The following RECQL4 variants were observed in gnomAD, a reference collection of about 807,000 sequenced individuals.
The protein encoded by RECQL4 is RecQ like helicase 4.
A neutral mutation model predicts 128.6 loss-of-function variants in RECQL4; 158 were observed. The ratio of observed to expected loss-of-function variants is 1.23; its 90% CI spans 1.08 to 1.40. The LOEUF is 1.40. Ranked by LOEUF, RECQL4 falls within the 40% of genes most tolerant of loss-of-function variation. RECQL4 has a pLI of 0.00. For synonymous variants in RECQL4, 996 were observed against 678.9 expected, an observed-to-expected ratio of 1.47 and a Z score of -7.26; for missense variants, 2,293 against 1,649.8, an observed-to-expected ratio of 1.39 and a Z score of -6.75.
rs769817743 is a variant in RECQL4 at position 144,512,834 on chromosome 8, C to G, written c.2755+13G>C. The G allele has an allele frequency of 3.7e-6, 6 of 1,607,150 alleles. No homozygotes were observed. The highest frequency in any genetic ancestry group is 5.1e-6 in the Non-Finnish European group (6 of 1,177,382). On this transcript the variant is annotated intron_variant, in intron 15 of 20. Transcript: ENST00000617875. ...CCCCTCCACACCCCTGTGGCTTACC[C>G]CAGGTTCCTCACCCTCCTCCGGCAT...
chr8:144,514,482 G>A lies in RECQL4; in HGVS notation c.1664C>T (p.Ser555Leu), dbSNP rs755425093. 19 of 1,612,206 alleles carry A rather than the reference G, an allele frequency of 1.2e-5. No individual in the cohort carries two copies. The highest frequency in any genetic ancestry group is 3.3e-5 in the Admixed American group (2 of 59,938). The change falls in exon 10 of 21, where the codon TCG becomes TTG. Residue 555 changes from serine (S) to leucine (L), a missense_variant. Physicochemically the swap from Ser to Leu is moderately radical, Grantham distance 145 (BLOSUM62 -2). Coordinates refer to ENST00000617875, the MANE Select transcript of RECQL4 (RefSeq NM_004260.4). The part of the protein sequence containing the change: ...PPCLKAACIH[S>L]GMTRKQRESV... The stretch of plus-strand genomic sequence containing the variant: ...TTCCCGTTGCTTCCTGGTCATGCCC[G>A]AGTGTATGCAGGCCGCCTTGAGACA...
In RECQL4 at chr8:144,516,580, C is replaced by G. The variant is rs1060501378; in HGVS notation, c.539G>C (p.Ser180Thr). ...GRLQHLQASL[S>T]QRLGSLDPGW... The stretch of plus-strand genomic sequence containing the variant: ...AGGATCTAGGGAGCCCAGCCGCTGG[C>G]TCAGGGATGCCTGCAGATGCTGGAG... Residue 180 changes from serine (S) to threonine (T), a missense_variant, in exon 5 of 21, where the codon AGC (serine) becomes ACC (threonine). Transcript: ENST00000617875. 2 of 1,610,108 alleles carry G rather than the reference C, an allele frequency of 1.2e-6. No homozygotes were observed. The highest frequency in any genetic ancestry group is 1.3e-5 in the African/African-American group (1 of 75,036).
chr8:144,514,402 C>T (rs779065686), intron 10 of RECQL4, 40 bp from the exon 11 acceptor site: 6 of 1,601,538 alleles, frequency 3.7e-6, no homozygotes, highest in Non-Finnish European at 5.1e-6. Context: ...CAGGTGCCCG[C>T]CCGCTGCCTC....
At chr8:144,514,602 C>T in intron 9 of RECQL4, 77 bp from the exon 10 acceptor site, 1 of 1,424,420 alleles carries the variant, frequency 7.0e-7, no homozygotes, top group Non-Finnish European at 9.6e-7. Flanking sequence ...GAGCTGCTGC[C>T]ATGTCCATCC....
chr8:144,513,784 G>A lies in RECQL4; in HGVS notation c.2059-72C>T, dbSNP rs1375520436. The A allele has an allele frequency of 4.2e-5, 49 of 1,168,718 alleles. No individual in the cohort carries two copies. In the African/African-American group the frequency reaches 8.7e-4, roughly 21 times the overall value. 72.4% of individuals were successfully genotyped at this position (1,168,718 alleles called of 1,614,324 possible). A position where few individuals can be genotyped will look rare whatever the true frequency, so the allele number is the denominator to read the frequency against. Reference sequence around the variant, plus strand: ...GGCGTGTGCAGTGGGGAGTGAGGAGGGGTCGGCGTGGGGAGTGAGGAGGGG... The same window carrying A: ...GGCGTGTGCAGTGGGGAGTGAGGAGAGGTCGGCGTGGGGAGTGAGGAGGGG... On this transcript the variant is annotated intron_variant, in intron 12 of 20. Coordinates refer to ENST00000617875, the MANE Select transcript of RECQL4 (RefSeq NM_004260.4).
Position 144,512,840 on chromosome 8 carries a change from T to G in RECQL4, c.2755+7A>C. The G allele has an allele frequency of 6.2e-7, 1 of 1,606,148 alleles. No homozygotes were observed. Among genetic ancestry groups the G allele is most frequent in the Non-Finnish European group, 8.5e-7 (1 of 1,176,778 alleles). Reference sequence around the variant, plus strand: ...CACACCCCTGTGGCTTACCCCAGGTTCCTCACCCTCCTCCGGCATGTCCAA... The same window carrying G: ...CACACCCCTGTGGCTTACCCCAGGTGCCTCACCCTCCTCCGGCATGTCCAA... On this transcript the variant is annotated splice_region_variant and intron_variant, in intron 15 of 20. Transcript: ENST00000617875.
Position 144,514,325 on chromosome 8 carries a change from G to C in RECQL4, c.1742C>G (p.Pro581Arg), listed in dbSNP as rs1198368445. Residue 581 changes from proline to arginine, a missense_variant, in exon 11 of 21, where the codon CCT becomes CGT. Transcript: ENST00000617875. ...AAQVHVLMLT[P>R]EALVGAGGLP... ...GCCTCCCGCCCCCACCAGTGCCTCA[G>C]GTGTCAGCATCAGCACGTGTACCTG... is the stretch of plus-strand genomic sequence containing the variant. 6.2e-7 allele frequency: 1 copy of C among 1,608,432 alleles called. No individual in the cohort carries two copies. Among genetic ancestry groups the C allele is most frequent in the African/African-American group, 1.3e-5 (1 of 74,856 alleles).
In RECQL4 at chr8:144,513,312, C is replaced by A. The variant is rs1827611200; in HGVS notation, c.2369G>T (p.Gly790Val). Residue 790 changes from glycine (G) to valine (V), a missense_variant, in exon 14 of 21, where the codon GGG becomes GTG. Physicochemically the swap from Gly to Val is moderately radical, Grantham distance 109 (BLOSUM62 -3). Coordinates refer to ENST00000617875, the MANE Select transcript of RECQL4 (RefSeq NM_004260.4). ...GTAGCTCTCGAAGCTTGGGGGCAGCCCCAGATGCAGCACAGCCCGCACATC... is the reference window on the plus strand; with the variant it reads ...GTAGCTCTCGAAGCTTGGGGGCAGCACCAGATGCAGCACAGCCCGCACATC... ...RPDVRAVLHL[G>V]LPPSFESYVQ... The A allele has an allele frequency of 3.1e-6, 5 of 1,601,642 alleles. No homozygotes were observed. The highest frequency in any genetic ancestry group is 1.1e-5 in the South Asian group (1 of 91,002).
In RECQL4 at chr8:144,515,822, C is replaced by T; in HGVS notation, c.1200G>A (p.Lys400=). 6.2e-7 allele frequency: 1 copy of T among 1,612,912 alleles called. No homozygotes were observed. Among genetic ancestry groups the T allele is most frequent in the Non-Finnish European group, 8.5e-7 (1 of 1,179,798 alleles). ...ACTGCTCGTTCAGGAAACAAGACTC[C>T]TTGGTTGTGACTGTGGCACCACCAC... ...FGGGGATVTT[K]ESCFLNEQFD... The change falls in exon 6 of 21, where the codon AAG becomes AAA. Residue 400 remains lysine (K), a synonymous_variant. Transcript: ENST00000617875.
rs749437272 is a variant in RECQL4, at chr8:144,513,347, C to T, written c.2334G>A (p.Leu778=). 1 of 1,605,234 alleles carries T rather than the reference C, an allele frequency of 6.2e-7. No homozygotes were observed. The highest frequency in any genetic ancestry group is 2.2e-5 in the East Asian group (1 of 44,868). ...VVATVAFGMG[L]DRPDVRAVLH... is the part of the protein sequence containing the mutation. ...GCACAGCCCGCACATCTGGCCGGTCCAGCCCCATCCCAAAGGCCACCGTGG... is the reference window on the plus strand; with the variant it reads ...GCACAGCCCGCACATCTGGCCGGTCTAGCCCCATCCCAAAGGCCACCGTGG... The change falls in exon 14 of 21, where the codon CTG becomes CTA. Residue 778 remains leucine, a synonymous_variant. Coordinates refer to ENST00000617875, the MANE Select transcript of RECQL4 (RefSeq NM_004260.4).
rs571624962 is a variant in RECQL4, at chr8:144,516,486, A to G, written c.633T>C (p.Asp211=). 125 of 1,608,996 alleles carry G rather than the reference A, an allele frequency of 7.8e-5. No individual in the cohort carries two copies. In the East Asian group the frequency reaches 2.3e-3, roughly 30 times the overall value. ...FLGAPKACRP[D]LGSEESQLLI... Reference sequence around the variant, plus strand: ...GAAGTTGTGATTCCTCTGAGCCTAGATCAGGCCTGCAGGCTTTGGGGGCCC... The same window carrying G: ...GAAGTTGTGATTCCTCTGAGCCTAGGTCAGGCCTGCAGGCTTTGGGGGCCC... Residue 211 remains aspartate (D), a synonymous_variant, in exon 5 of 21, where the codon GAT becomes GAC. Coordinates refer to ENST00000617875, the MANE Select transcript of RECQL4 (RefSeq NM_004260.4).
chr8:144,512,381 G>C lies in RECQL4; in HGVS notation c.3055+11C>G. 1 of 1,608,132 alleles carries C rather than the reference G, an allele frequency of 6.2e-7. No individual in the cohort carries two copies. Among genetic ancestry groups the C allele is most frequent in the Non-Finnish European group, 8.5e-7 (1 of 1,176,740 alleles). On this transcript the variant is annotated intron_variant, in intron 17 of 20. Coordinates refer to ENST00000617875, the MANE Select transcript of RECQL4 (RefSeq NM_004260.4). ...AGCGTCCAGGGCGGTGTGGGGTGGG[G>C]AGAGGCGCACCTGTCCTGGGCTCGT... is the stretch of plus-strand genomic sequence containing the variant.
In RECQL4 at chr8:144,515,769, C is replaced by T. The variant is rs548957135; in HGVS notation, c.1253G>A (p.Arg418Gln). ...QFDHWAAQCP[R>Q]PASEEDTDAV... ...CTCCAGGGCAGATGTCTCACCTGGC[C>T]GGGGACACTGGGCTGCCCAGTGATC... The change falls in exon 6 of 21, where the codon CGG becomes CAG. Residue 418 changes from arginine to glutamine, a missense_variant. Physicochemically the swap from Arg to Gln is conservative, Grantham distance 43 (BLOSUM62 1). Coordinates refer to ENST00000617875, the MANE Select transcript of RECQL4 (RefSeq NM_004260.4). 44 of 1,612,092 alleles carry T rather than the reference C, an allele frequency of 2.7e-5. 1 individual carries two copies. Among genetic ancestry groups the T allele is most frequent in the South Asian group, 1.9e-4 (17 of 90,938 alleles).
chr8:144,516,704 T>C lies in RECQL4; in HGVS notation c.415A>G (p.Thr139Ala). ...PLGRASSKAS[T>A]PKPPGTGPVP... ...GGCCCTGTACCTGGGGGCTTTGGGG[T>C]GGATGCCTTAGATGAGGCTCTTCCT... Residue 139 changes from threonine to alanine, a missense_variant, in exon 5 of 21, where the codon ACC (threonine) becomes GCC (alanine). Thr to Ala is a moderately conservative substitution (Grantham distance 58, BLOSUM62 0). Transcript: ENST00000617875. The C allele has an allele frequency of 6.4e-7, 1 of 1,553,630 alleles. No homozygotes were observed. Among genetic ancestry groups the C allele is most frequent in the Non-Finnish European group, 8.7e-7 (1 of 1,151,822 alleles).
intron 12 of RECQL4, 26 bp from the exon 13 acceptor site, chr8:144,513,738 AGTG>A (rs1564796806): frequency 8.4e-7 from 1 of 1,186,676 alleles, no homozygotes; most frequent in Non-Finnish European, 1.1e-6. Flanking sequence ...TGGCGTGGGC[AGTG>A]GGGAGTGAGG....
chr8:144,517,508 G>A lies in RECQL4; in HGVS notation c.119C>T (p.Ala40Val), dbSNP rs1320945281. 1 of 1,588,344 alleles carries A rather than the reference G, an allele frequency of 6.3e-7. No individual in the cohort carries two copies. The change falls in exon 3 of 21, where the codon GCG becomes GTG. Residue 40 changes from alanine to valine, a missense_variant and splice_region_variant. By Grantham distance (64) the Ala-to-Val change is moderately conservative. Coordinates refer to ENST00000617875, the MANE Select transcript of RECQL4 (RefSeq NM_004260.4). ...CAGAGTGCGGTATTCCCGGTAGAGC[G>A]CTGCGTGGGCGAGCGGGAGGCGGGG... ...DVEAAPEETR[A>V]LYREYRTLKR...
Position 144,515,984 on chromosome 8 carries a change from T to C in RECQL4, c.1131+4A>G, listed in dbSNP as rs1828124749. 1 of 1,609,842 alleles carries C rather than the reference T, an allele frequency of 6.2e-7. No homozygotes were observed. Among genetic ancestry groups the C allele is most frequent in the Non-Finnish European group, 8.5e-7 (1 of 1,177,510 alleles). ...ATGCCTGTCCTGGCCCGTCGCTGTCTTACCTGCTTGCGGAGGAGCCTGCTA... is the reference window on the plus strand; with the variant it reads ...ATGCCTGTCCTGGCCCGTCGCTGTCCTACCTGCTTGCGGAGGAGCCTGCTA... On this transcript the variant is annotated splice_donor_region_variant and intron_variant, in intron 5 of 20. Coordinates refer to ENST00000617875, the MANE Select transcript of RECQL4 (RefSeq NM_004260.4).
At chr8:144,515,935 G>A (rs761677485) in intron 5 of RECQL4, 45 bp from the exon 6 acceptor site, 4 of 1,612,408 alleles carry the variant, frequency 2.5e-6, no homozygotes, top group Non-Finnish European at 3.4e-6. Context: ...GGAAATACGG[G>A]AGGGCTGAGG....
chr8:144,516,918 G>A, intron 4 of RECQL4, 132 bp downstream of exon 4: 18 of 1,418,936 alleles, frequency 1.3e-5, no homozygotes, highest in Non-Finnish European at 1.5e-5. Context: ...GCCCCGAGAA[G>A]CTCCCTGAAG....
Sources: gnomAD v4.1 joint callset for allele counts on GRCh38, gnomAD v4.1.1 for gene constraint, MANE v1.5 for transcripts, NCBI Gene and HGNC (gene_info 2026-07-23, HGNC 2026-07-21) for gene names.